Variants in CRYBG2 observed in about 807,000 individuals in gnomAD.
CRYBG2 encodes the protein beta/gamma crystallin domain-containing protein 2.
Under a neutral mutation model 153.4 loss-of-function variants are expected in CRYBG2, and 106 were observed. That is an observed-to-expected ratio of 0.69 (90% confidence interval 0.59 to 0.81). The LOEUF (loss-of-function observed/expected upper bound fraction) is 0.81, where lower values mean the gene tolerates loss of function less well. Ranked by LOEUF, CRYBG2 falls within the 30% of genes least tolerant of loss-of-function variation. The probability of loss-of-function intolerance (pLI) is 0.00; values close to 1 mark genes in which losing one functional copy is unlikely to be tolerated. For synonymous variants in CRYBG2, 851 were observed against 877.8 expected (o/e 0.97, Z 0.54); for missense variants, 1,996 against 2,112.0 (o/e 0.95, Z 1.08).
At position 26,325,585 on chromosome 1, in the gene CRYBG2, A is replaced by T. The variant is rs1033513628; in HGVS notation, c.4579-1275T>A. ...AAAAATAAATTAATTAATAAAAATT[A>T]AAAAAATGAATGCACTCCCACAGAT... On this transcript the variant is annotated intron_variant, in intron 17 of 19. Transcript: ENST00000308182. The surrounding 1 kb of genome is among the most constrained non-coding windows in gnomAD (Gnocchi z 4.1). Among the ~76,000 whole-genome samples, 35 of 143,648 alleles carry T rather than the reference A, an allele frequency of 2.4e-4. No homozygotes were observed. Among genetic ancestry groups the T allele is most frequent in the Admixed American group, 4.3e-4 (6 of 14,112 alleles). The allele number at this position is 143,648 out of a possible 152,430, so 94.2% of individuals were successfully genotyped here. A position where few individuals can be genotyped will look rare whatever the true frequency, so the allele number is the denominator to read the frequency against.
rs750016974 is a variant in CRYBG2 at position 26,336,499 on chromosome 1, G to T, written c.4038+107C>A. The T allele has an allele frequency of 6.5e-7, 1 of 1,544,688 alleles. No homozygotes were observed. Among genetic ancestry groups the T allele is most frequent in the South Asian group, 1.2e-5 (1 of 83,706 alleles). On this transcript the variant is annotated intron_variant, in intron 12 of 19. Transcript: ENST00000308182. The surrounding 1 kb of genome is among the most constrained non-coding windows in gnomAD (Gnocchi z 4.9). Reference sequence around the variant, plus strand: ...GCCCCCTTCTAAGGCCCCGCCCCAAGCGCCCAGGCAGGTCCTCCAGCCCGC... The same window carrying T: ...GCCCCCTTCTAAGGCCCCGCCCCAATCGCCCAGGCAGGTCCTCCAGCCCGC...
In CRYBG2 at chr1:26,331,478, T is replaced by C. The variant is rs370748668; in HGVS notation, c.4314+11A>G. 1 of 1,606,404 alleles carries C rather than the reference T, an allele frequency of 6.2e-7. No homozygotes were observed. The stretch of plus-strand genomic sequence containing the variant: ...TTCCGGGATTGCCTGGAACCAGACA[T>C]GGAAACTCACCAGGGATACCTTCTG... On this transcript the variant is annotated intron_variant, in intron 15 of 19. Transcript: ENST00000308182.
Position 26,342,757 on chromosome 1 carries a change from G to A in CRYBG2, c.3201C>T (p.Val1067=), listed in dbSNP as rs765151897. 10 of 1,613,310 alleles carry A rather than the reference G, an allele frequency of 6.2e-6. No homozygotes were observed. The East Asian group carries it at 2.0e-4, about 32-fold the overall frequency. Residue 1067 remains valine, a synonymous_variant, in exon 5 of 20, where the codon GTC becomes GTT. Transcript: ENST00000308182. ...PQGIGSLRRV[V]WDYSTPEISL... ...CTCCCACCTCCAACTCACTCACCCA[G>A]ACAACCCTCCTTAGGGAGCCGATGC... is the stretch of plus-strand genomic sequence containing the variant.
In CRYBG2 at chr1:26,342,717, G is replaced by T. The variant is rs1275346728; in HGVS notation, c.3204+37C>A. 3.1e-6 allele frequency: 5 copies of T among 1,603,232 alleles called. 1 individual carries two copies. In the South Asian group the frequency reaches 4.4e-5, roughly 14 times the overall value. On this transcript the variant is annotated intron_variant, in intron 5 of 19. Coordinates refer to ENST00000308182, the MANE Select transcript of CRYBG2 (RefSeq NM_001039775.4). ...CCTGGCCTCGGGGATTTCAACTCTAGGCACTCGAGGCCGTCTCCCACCTCC... is the reference window on the plus strand; with the variant it reads ...CCTGGCCTCGGGGATTTCAACTCTATGCACTCGAGGCCGTCTCCCACCTCC...
At chr1:26,328,975 C>T in intron 15 of CRYBG2, 102 bp from the exon 16 acceptor site, 2 of 1,394,012 alleles carry the variant, frequency 1.4e-6, no homozygotes, top group Non-Finnish European at 2.0e-6. Context: ...GTATGTCAGG[C>T]CTTCTTCCCT....
chr1:26,322,114 A>G lies in CRYBG2; in HGVS notation c.4897+50T>C. 1.9e-6 allele frequency: 3 copies of G among 1,599,678 alleles called. No individual in the cohort carries two copies. The South Asian group carries it at 3.3e-5, about 18-fold the overall frequency. On this transcript the variant is annotated intron_variant, in intron 19 of 19. Transcript: ENST00000308182. Reference sequence around the variant, plus strand: ...GATAGTCAGAGAGAGCTGGGACTCCATGGCTCTCAGCCCCCTCAGGAGCCC... The same window carrying G: ...GATAGTCAGAGAGAGCTGGGACTCCGTGGCTCTCAGCCCCCTCAGGAGCCC...
At position 26,342,782 on chromosome 1, in the gene CRYBG2, C is replaced by A; in HGVS notation, c.3176G>T (p.Gly1059Val). 6.2e-7 allele frequency: 1 copy of A among 1,614,046 alleles called. No homozygotes were observed. Among genetic ancestry groups the A allele is most frequent in the Non-Finnish European group, 8.5e-7 (1 of 1,180,020 alleles). The change falls in exon 5 of 20, where the codon GGC (glycine) becomes GTC (valine). Residue 1059 changes from glycine (G) to valine (V), a missense_variant. Coordinates refer to ENST00000308182, the MANE Select transcript of CRYBG2 (RefSeq NM_001039775.4). ...RTPGTKWSPQ[G>V]IGSLRRVVWD... ...GACAACCCTCCTTAGGGAGCCGATG[C>A]CTTGGGGACTCCACTTTGTCCCTGG... is the stretch of plus-strand genomic sequence containing the variant.
In CRYBG2 at chr1:26,328,717, C is replaced by T. The variant is rs11247916; in HGVS notation, c.4454+17G>A. 0.51 allele frequency: 813,045 copies of T among 1,603,548 alleles called. 211,065 individuals are homozygous for T. Among genetic ancestry groups the T allele is most frequent in the African/African-American group, 0.65 (48,098 of 74,364 alleles). ...CCACCAGCAGCCACCGCACCCATGCCTCCCCTCAGCACTCACATGCCCCCC... is the reference window on the plus strand; with the variant it reads ...CCACCAGCAGCCACCGCACCCATGCTTCCCCTCAGCACTCACATGCCCCCC... On this transcript the variant is annotated intron_variant, in intron 16 of 19. Transcript: ENST00000308182.
In CRYBG2 at chr1:26,336,174, C is replaced by T. The variant is rs868834654; in HGVS notation, c.4105G>A (p.Asp1369Asn). The change falls in exon 14 of 20, where the codon GAC becomes AAC. Residue 1369 changes from aspartate to asparagine, a missense_variant. By Grantham distance (23) the Asp-to-Asn change is conservative (BLOSUM62 1). Transcript: ENST00000308182. The surrounding 1 kb of genome is among the most constrained non-coding windows in gnomAD (Gnocchi z 4.9). ...TGGTCATCTTCGAAAGAGAAGTGGT[C>T]GCCCAGAAAGTCGGGGCGGGAGAAA... ...QLFSRPDFLG[D>N]HFSFEDDQAA... 1.3e-6 allele frequency: 2 copies of T among 1,549,188 alleles called. No homozygotes were observed. Among genetic ancestry groups the T allele is most frequent in the African/African-American group, 1.4e-5 (1 of 73,250 alleles).
intron 1 of CRYBG2, 78 bp downstream of exon 1, chr1:26,353,958 G>A (rs1462988032): frequency 5.0e-6 from 2 of 398,936 alleles, no homozygotes; most frequent in African/African-American, 4.1e-5. Context: ...TAGAGCTGGA[G>A]AGGCCCAGGG....
chr1:26,337,926 C>G, intron 8 of CRYBG2, 86 bp downstream of exon 8: 1 of 1,529,504 alleles, frequency 6.5e-7, no homozygotes, highest in Non-Finnish European at 8.9e-7. Context: ...GCCCTCCTCT[C>G]TGGATTTCCT....
rs1287803157 is a variant in CRYBG2 at position 26,325,032 on chromosome 1, G to A, written c.4579-722C>T. On this transcript the variant is annotated intron_variant, in intron 17 of 19. Coordinates refer to ENST00000308182, the MANE Select transcript of CRYBG2 (RefSeq NM_001039775.4). This position sits in a 1 kb window ranked among gnomAD's most constrained non-coding sequence, Gnocchi z 4.1. ...CGTGTTATCCTCATTTTAAAGATGA[G>A]GAAACGAAGGTCTAAGGAGGTACAG... The A allele has an allele frequency of 6.6e-6, 1 of 152,128 alleles. No individual in the cohort carries two copies. The highest frequency in any genetic ancestry group is 1.5e-5 in the Non-Finnish European group (1 of 68,046). The allele number at this position is 152,128 out of a possible 1,614,324, so 9.4% of individuals were successfully genotyped here. A position where few individuals can be genotyped will look rare whatever the true frequency, so the allele number is the denominator to read the frequency against.
At position 26,344,299 on chromosome 1, in the gene CRYBG2, G is replaced by C. The variant is rs778911873; in HGVS notation, c.2359C>G (p.Arg787Gly). 2 of 1,510,708 alleles carry C rather than the reference G, an allele frequency of 1.3e-6. No individual in the cohort carries two copies. Among genetic ancestry groups the C allele is most frequent in the Non-Finnish European group, 1.8e-6 (2 of 1,130,914 alleles). 93.6% of individuals were successfully genotyped at this position (1,510,708 alleles called of 1,614,324 possible). ...PEILRTHRLP[R>G]APRSSYLSMY... ...GACAGGTAGGAGGAGCGAGGGGCTC[G>C]TGGCAGCCGGTGAGTGCGGAGGATC... The change falls in exon 2 of 20, where the codon CGA becomes GGA. Residue 787 changes from arginine (R) to glycine (G), a missense_variant. Coordinates refer to ENST00000308182, the MANE Select transcript of CRYBG2 (RefSeq NM_001039775.4).
intron 15 of CRYBG2, 75 bp from the exon 16 acceptor site, chr1:26,328,948 C>T (rs887412642): frequency 9.5e-6 from 15 of 1,573,286 alleles, no homozygotes; most frequent in African/African-American, 5.5e-5. Context: ...ATCCCAGACA[C>T]CCTGACTCCC....
Position 26,328,757 on chromosome 1 carries a change from C to A in CRYBG2, c.4431G>T (p.Leu1477=), listed in dbSNP as rs1446712035. The A allele has an allele frequency of 6.2e-7, 1 of 1,614,058 alleles. No homozygotes were observed. The highest frequency in any genetic ancestry group is 1.7e-5 in the Admixed American group (1 of 59,974). Residue 1477 remains leucine, a synonymous_variant, in exon 16 of 20, where the codon CTG becomes CTT. Transcript: ENST00000308182. ...ACATGCCCCCCTTGATCCGCACAGACAGCACATGGTTGTTGAAGCCCTCGG... is the reference window on the plus strand; with the variant it reads ...ACATGCCCCCCTTGATCCGCACAGAAAGCACATGGTTGTTGAAGCCCTCGG... The part of the protein sequence containing the change: ...LQAEGFNNHV[L]SVRIKGGIWV...
Position 26,322,273 on chromosome 1 carries a change from G to A in CRYBG2, c.4788C>T (p.Ser1596=), listed in dbSNP as rs774816354. Residue 1596 remains serine (S), a synonymous_variant, in exon 19 of 20, where the codon TCC becomes TCT. Coordinates refer to ENST00000308182, the MANE Select transcript of CRYBG2 (RefSeq NM_001039775.4). ...GGCTCTCGGCCCACAGCACCACCTT[G>A]GAGCCTGGGCTAGGGGGTCCAATCA... ...LQVIGPPSPG[S]KVVLWAESRL... is the part of the protein sequence containing the mutation. 2.5e-6 allele frequency: 4 copies of A among 1,614,004 alleles called. No homozygotes were observed. In the East Asian group the frequency reaches 8.9e-5, roughly 36 times the overall value.
At chr1:26,342,133 G>T (rs1259518238) in intron 5 of CRYBG2, among the ~76,000 whole-genome samples, 1 of 152,082 alleles carries the variant, frequency 6.6e-6, no homozygotes, top group Non-Finnish European at 1.5e-5. Context: ...GTCTGACTGG[G>T]GGCCTGCATG....
At chr1:26,350,711 C>T (rs894518331) in intron 1 of CRYBG2, among the ~76,000 whole-genome samples, 2 of 152,112 alleles carry the variant, frequency 1.3e-5, no homozygotes, top group African/African-American at 2.4e-5. Flanking sequence ...TCTCCACCCC[C>T]ACTCCCTGAC....
intron 1 of CRYBG2, among the ~76,000 whole-genome samples, chr1:26,351,468 C>T (rs545404859): frequency 1.3e-5 from 2 of 152,248 alleles, no homozygotes; most frequent in African/African-American, 4.8e-5. Context: ...CTAGACTCAA[C>T]CAGAACCAGA....
Sources: gnomAD v4.1 joint callset for allele counts (sites outside exome capture counted in the v4.1 genomes callset) on GRCh38, gnomAD v4.1.1 for gene constraint, Gnocchi (gnomAD v3.1) non-coding constraint, MANE v1.5 for transcripts, NCBI Gene and HGNC (gene_info 2026-07-23, HGNC 2026-07-21) for gene names.